Variants in KPNA1 observed in about 807,000 individuals in gnomAD.
KPNA1 encodes karyopherin subunit alpha 1.
In KPNA1, 10 loss-of-function variants were observed where a neutral mutation model predicts 70.5. That is an observed-to-expected ratio of 0.14 (90% CI 0.09 to 0.24). The LOEUF (loss-of-function observed/expected upper bound fraction) is 0.24. Ranked by LOEUF, KPNA1 falls within the 10% of genes least tolerant of loss-of-function variation. KPNA1 has a pLI of 1.00. For synonymous variants in KPNA1, 192 were observed against 221.9 expected, an observed-to-expected ratio of 0.87 and a Z score of 1.20; for missense variants, 397 against 637.9, an observed-to-expected ratio of 0.62 and a Z score of 4.07.
At chr3:122,440,393 CA>C (rs1376483190) in intron 10 of KPNA1, among the ~76,000 whole-genome samples, 55 of 152,020 alleles carry the variant, frequency 3.6e-4, no homozygotes, top group Admixed American at 2.2e-3. Context: ...AGTGGAGACA[CA>C]TGTTCCAGGC....
Position 122,437,154 on chromosome 3 carries a change from G to C in KPNA1, c.1122+16C>G, listed in dbSNP as rs371492064. 6.2e-7 allele frequency: 1 copy of C among 1,603,074 alleles called. No individual in the cohort carries two copies. Among genetic ancestry groups the C allele is most frequent in the Non-Finnish European group, 8.5e-7 (1 of 1,176,410 alleles). On this transcript the variant is annotated intron_variant, in intron 11 of 13. Coordinates refer to ENST00000344337, the MANE Select transcript of KPNA1 (RefSeq NM_002264.4). ...AATAAAAATACTGAAAGAGAAGTTA[G>C]GTCCTATGAGGTTACCTGGATCTGT...
At chr3:122,453,204 C>G (rs1338390587) in intron 6 of KPNA1, among the ~76,000 whole-genome samples, 1 of 152,162 alleles carries the variant, frequency 6.6e-6, no homozygotes, top group East Asian at 1.9e-4. Flanking sequence ...TTCAGCCTCC[C>G]AAGTGCTGGA....
chr3:122,498,651 T>C (rs900478809), intron 1 of KPNA1, among the ~76,000 whole-genome samples: 5 of 152,216 alleles, frequency 3.3e-5, no homozygotes, highest in African/African-American at 4.8e-5. Flanking sequence ...TTGGTTACCA[T>C]TGCTTCAAAA....
chr3:122,487,848 A>G (rs2076647886), intron 2 of KPNA1, among the ~76,000 whole-genome samples: 1 of 152,232 alleles, frequency 6.6e-6, no homozygotes, highest in African/African-American at 2.4e-5. Context: ...CAATGTGAAT[A>G]TTGTTAACAC....
intron 1 of KPNA1, among the ~76,000 whole-genome samples, chr3:122,496,910 C>G (rs2076768392): frequency 6.6e-6 from 1 of 152,180 alleles, no homozygotes. Context: ...GATCATGTTG[C>G]CCAGGCTGGT....
chr3:122,490,552 A>G (rs1173462135), intron 2 of KPNA1, among the ~76,000 whole-genome samples: 1 of 152,192 alleles, frequency 6.6e-6, no homozygotes, highest in Non-Finnish European at 1.5e-5. Flanking sequence ...GGGAGCTAGG[A>G]GCTAGTTCAA....
At chr3:122,443,335 C>T (rs1382645209) in intron 9 of KPNA1, among the ~76,000 whole-genome samples, 3 of 152,238 alleles carry the variant, frequency 2.0e-5, no homozygotes, top group Non-Finnish European at 4.4e-5. Context: ...CGCACCTCAG[C>T]AAGGCCTACT....
At chr3:122,485,808 A>C (rs2076623069) in intron 2 of KPNA1, among the ~76,000 whole-genome samples, 1 of 152,220 alleles carries the variant, frequency 6.6e-6, no homozygotes, top group South Asian at 2.1e-4. Flanking sequence ...CACCACAAAG[A>C]AGTATATAAG....
chr3:122,447,193 CA>C (rs887657833), intron 9 of KPNA1, among the ~76,000 whole-genome samples: 59 of 152,238 alleles, frequency 3.9e-4, no homozygotes, highest in African/African-American at 1.3e-3. Flanking sequence ...ATCCTGATAC[CA>C]AAGCCTGGCA....
rs74338101 is a variant in KPNA1, at chr3:122,497,284, A to T, written c.-5-714T>A. The stretch of plus-strand genomic sequence containing the variant: ...GTACTTCATTTCTTTTTATGGCTGA[A>T]TAATATTCCATTCTATATATATACC... On this transcript the variant is annotated intron_variant, in intron 1 of 13. Transcript: ENST00000344337. Among the ~76,000 whole-genome samples the T allele has an allele frequency of 6.7e-3, 1,016 of 152,312 alleles. 5 individuals carry two copies. Among genetic ancestry groups the T allele is most frequent in the African/African-American group, 0.023 (973 of 41,562 alleles).
chr3:122,512,091 C>T (rs1323960989), intron 1 of KPNA1, among the ~76,000 whole-genome samples: 2 of 151,968 alleles, frequency 1.3e-5, no homozygotes, highest in East Asian at 3.9e-4. Context: ...TAATTCTTAA[C>T]ATAGTTGAGA....
At chr3:122,450,613 G>T (rs933730627) in intron 8 of KPNA1, among the ~76,000 whole-genome samples, 3 of 152,026 alleles carry the variant, frequency 2.0e-5, no homozygotes, top group Admixed American at 2.0e-4. Flanking sequence ...ATAGATGTTG[G>T]CATGAATGTG....
chr3:122,446,584 T>G (rs952741230), intron 9 of KPNA1, among the ~76,000 whole-genome samples: 8 of 151,944 alleles, frequency 5.3e-5, no homozygotes, highest in Non-Finnish European at 1.2e-4. Flanking sequence ...AGATCTAAAA[T>G]CAACACCCAA....
In KPNA1 at chr3:122,497,772, C is replaced by T. The variant is rs148926951; in HGVS notation, c.-5-1202G>A. On this transcript the variant is annotated intron_variant, in intron 1 of 13. Transcript: ENST00000344337. ...TAGCCCATTTTTAAATTAGGTTGTC[C>T]TTTTATTATTGAGTTGTAAGAGTTC... Among the ~76,000 whole-genome samples, 1,036 of 152,058 alleles carry T rather than the reference C, an allele frequency of 6.8e-3. 7 individuals are homozygous for T. The highest frequency in any genetic ancestry group is 8.8e-3 in the Non-Finnish European group (595 of 67,976).
intron 9 of KPNA1, chr3:122,442,796 T>G (rs2076081440): frequency 6.6e-6 from 1 of 152,206 alleles, no homozygotes; most frequent in Non-Finnish European, 1.5e-5. Context: ...TCCTTCAAAT[T>G]TAACATGTGA....
intron 3 of KPNA1, 99 bp downstream of exon 3, chr3:122,467,223 A>C (rs1379224145): frequency 1.8e-6 from 1 of 556,806 alleles, no homozygotes. Context: ...TGAAATGCCA[A>C]GTACTTTTTG....
chr3:122,452,160 A>C (rs901291614), intron 6 of KPNA1, 96 bp from the exon 7 acceptor site: 2 of 808,326 alleles, frequency 2.5e-6, no homozygotes, highest in African/African-American at 3.4e-5. Flanking sequence ...TTCATCAGGG[A>C]GTCAAATGAA....
At chr3:122,480,452 T>A (rs975888074) in intron 2 of KPNA1, among the ~76,000 whole-genome samples, 9 of 149,546 alleles carry the variant, frequency 6.0e-5, no homozygotes, top group African/African-American at 2.2e-4. Context: ...AAAAAAAAAA[T>A]TAATTAAGGT....
At chr3:122,504,859 T>C (rs1003213337) in intron 1 of KPNA1, among the ~76,000 whole-genome samples, 2 of 152,134 alleles carry the variant, frequency 1.3e-5, no homozygotes, top group African/African-American at 4.8e-5. Context: ...TGAGATTCGT[T>C]GCCCCCTCTT....
Sources: gnomAD v4.1 joint callset for allele counts (sites outside exome capture counted in the v4.1 genomes callset) on GRCh38, gnomAD v4.1.1 for gene constraint, MANE v1.5 for transcripts, NCBI Gene and HGNC (gene_info 2026-07-23, HGNC 2026-07-21) for gene names.